Variants in ABCA1 observed in about 807,000 individuals in gnomAD.
ABCA1 encodes the protein phospholipid-transporting ATPase ABCA1.
ABCA1 carries 133 observed loss-of-function variants against 262.5 expected under a neutral mutation model. The ratio of observed to expected loss-of-function variants is 0.51; its 90% CI spans 0.44 to 0.59. The LOEUF (loss-of-function observed/expected upper bound fraction) is 0.59, where lower values mean the gene tolerates loss of function less well. ABCA1 is among the 20% of genes least tolerant of loss of function. The probability of loss-of-function intolerance (pLI) is 0.00; values close to 1 mark genes in which losing one functional copy is unlikely to be tolerated. For missense variants in ABCA1, 2,452 were observed against 2,777.5 expected (o/e 0.88, Z 2.63); for synonymous variants, 1,022 against 1,043.5 (o/e 0.98, Z 0.40).
chr9:104,918,515 T>C (rs542231244), intron 1 of ABCA1, among the ~76,000 whole-genome samples: 2 of 152,344 alleles, frequency 1.3e-5, no homozygotes, highest in Non-Finnish European at 2.9e-5. Context: ...CCTAGTACTT[T>C]CCACAGTACA....
chr9:104,901,763 T>C (rs970459617), intron 2 of ABCA1, among the ~76,000 whole-genome samples: 1 of 152,216 alleles, frequency 6.6e-6, no homozygotes, highest in African/African-American at 2.4e-5. Flanking sequence ...ATTTGAACCC[T>C]ACCTGTGCTC....
At chr9:104,831,580 G>A (rs372242467) in intron 13 of ABCA1, 42 bp downstream of exon 13, 1 of 1,544,334 alleles carries the variant, frequency 6.5e-7, no homozygotes, top group African/African-American at 1.4e-5. Context: ...AGGTGCTCTG[G>A]ACCTCCCCAA....
intron 5 of ABCA1, among the ~76,000 whole-genome samples, chr9:104,873,176 C>T (rs1278264149): frequency 6.6e-6 from 1 of 152,224 alleles, no homozygotes; most frequent in African/African-American, 2.4e-5. Context: ...TGCATACATA[C>T]AGAACGTGAA....
In ABCA1 at chr9:104,809,520, G is replaced by T; in HGVS notation, c.4220C>A (p.Ala1407Asp). Residue 1407 changes from alanine (A) to aspartate (D), a missense_variant, in exon 30 of 50, where the codon GCC becomes GAC. Ala to Asp is a moderately radical substitution (Grantham distance 126, BLOSUM62 -2). Transcript: ENST00000374736. Reference protein sequence around the residue: ...EDTGTLELLNALTKDPGFGTR... With the variant: ...EDTGTLELLNDLTKDPGFGTR... ...CCCGAAGCCAGGGTCTTTGGTGAGG[G>T]CGTTTAAGAGTTCCAGGGTTCCCGT... 6.2e-7 allele frequency: 1 copy of T among 1,614,202 alleles called. No homozygotes were observed. Among genetic ancestry groups the T allele is most frequent in the East Asian group, 2.2e-5 (1 of 44,880 alleles).
rs114427540 is a variant in ABCA1 at position 104,829,342 on chromosome 9, T to C, written c.1893-204A>G. ...AGAGAAAAACGAGGCTAACAAAGTG[T>C]TGCCAAACCAAATTTCTTTGGGGGC... On this transcript the variant is annotated intron_variant, in intron 14 of 49. Coordinates refer to ENST00000374736, the MANE Select transcript of ABCA1 (RefSeq NM_005502.4). Among the ~76,000 whole-genome samples, 1,875 of 152,322 alleles carry C rather than the reference T, an allele frequency of 0.012. 44 individuals are homozygous for C. Among genetic ancestry groups the C allele is most frequent in the African/African-American group, 0.043 (1,777 of 41,564 alleles).
chr9:104,828,819 C>A, intron 15 of ABCA1, 97 bp downstream of exon 15: 1 of 1,263,974 alleles, frequency 7.9e-7, no homozygotes, highest in Non-Finnish European at 1.1e-6. Context: ...CCCTTCTCTA[C>A]CAGAGGCTTG....
At chr9:104,839,344 T>C (rs12235875) in intron 9 of ABCA1, among the ~76,000 whole-genome samples, 10,150 of 152,292 alleles carry the variant, frequency 0.067, 512 homozygotes, top group East Asian at 0.28. Context: ...AGATTTGGGC[T>C]TGAATCCTGG....
intron 25 of ABCA1, 92 bp from the exon 26 acceptor site, chr9:104,814,567 T>G: frequency 7.9e-7 from 1 of 1,259,700 alleles, no homozygotes; most frequent in Non-Finnish European, 1.2e-6. Context: ...AGTGGCATGT[T>G]AGCCCCGTAA....
intron 5 of ABCA1, among the ~76,000 whole-genome samples, chr9:104,874,757 C>T (rs1169823461): frequency 2.1e-5 from 3 of 145,038 alleles, no homozygotes; most frequent in Middle Eastern, 3.4e-3. Context: ...GGCAGCCAGC[C>T]GCCCCGTCCG....
intron 1 of ABCA1, among the ~76,000 whole-genome samples, chr9:104,909,130 G>A (rs1357560937): frequency 2.0e-5 from 3 of 152,180 alleles, no homozygotes; most frequent in Non-Finnish European, 4.4e-5. Context: ...AAGAGGAATA[G>A]TAGATAAATA....
intron 15 of ABCA1, among the ~76,000 whole-genome samples, chr9:104,827,673 T>C (rs1312661076): frequency 1.3e-5 from 2 of 152,224 alleles, no homozygotes; most frequent in Non-Finnish European, 2.9e-5. Flanking sequence ...TGGGTACATG[T>C]CTGCAGGACC....
chr9:104,818,233 T>C (rs973927039), intron 23 of ABCA1, among the ~76,000 whole-genome samples: 1 of 152,226 alleles, frequency 6.6e-6, no homozygotes, highest in Admixed American at 6.5e-5. Context: ...ATCATTACTT[T>C]CTTTCATGCC....
chr9:104,913,369 C>T (rs1426895373), intron 1 of ABCA1, among the ~76,000 whole-genome samples: 2 of 152,138 alleles, frequency 1.3e-5, no homozygotes, highest in Non-Finnish European at 2.9e-5. Flanking sequence ...GGACTCTGAG[C>T]CCCTGTATCT....
At chr9:104,899,864 T>C (rs1407023808) in intron 2 of ABCA1, among the ~76,000 whole-genome samples, 1 of 152,180 alleles carries the variant, frequency 6.6e-6, no homozygotes, top group African/African-American at 2.4e-5. Flanking sequence ...CAGATGAGGA[T>C]CGTGAAAGCT....
intron 2 of ABCA1, among the ~76,000 whole-genome samples, chr9:104,893,551 A>C (rs1216956303): frequency 6.6e-6 from 1 of 152,038 alleles, no homozygotes; most frequent in Non-Finnish European, 1.5e-5. Flanking sequence ...TGAAACTACC[A>C]TTTGTACTTT....
intron 28 of ABCA1, among the ~76,000 whole-genome samples, chr9:104,812,263 A>G (rs1696661033): frequency 1.3e-5 from 2 of 152,214 alleles, no homozygotes; most frequent in Non-Finnish European, 2.9e-5. Flanking sequence ...AAAATAACAT[A>G]TACACACACA....
Position 104,821,467 on chromosome 9 carries a change from G to A in ABCA1, c.2868C>T (p.Thr956=), listed in dbSNP as rs35561837. 3,173 of 1,614,024 alleles carry A rather than the reference G, an allele frequency of 2.0e-3. 63 individuals carry two copies. In the African/African-American group the frequency reaches 0.036, roughly 18 times the overall value. The change falls in exon 20 of 50, where the codon ACC becomes ACT. Residue 956 remains threonine, a synonymous_variant. Transcript: ENST00000374736. ...GAATGTCTTTTCCCAGGATGTAGGC[G>A]GTGCCCGAGGTCGGGGGGAACAACC... ...LTGLFPPTSG[T]AYILGKDIRS...
chr9:104,802,223 T>TCA, intron 33 of ABCA1, 64 bp from the exon 34 acceptor site: 1 of 1,408,200 alleles, frequency 7.1e-7, no homozygotes, highest in East Asian at 2.3e-5. Flanking sequence ...AGCAGCAGAC[T>TCA]CAGTGCGAGT....
rs539811861 is a variant in ABCA1, at chr9:104,922,427, A to G, written c.-93+5508T>C. ...GAGATTGGTAAACTCACGGAAGCCA[A>G]ACTGTCTGGGATGCGACTTCAGCTC... is the stretch of plus-strand genomic sequence containing the variant. On this transcript the variant is annotated intron_variant, in intron 1 of 49. Transcript: ENST00000374736. Among the ~76,000 whole-genome samples the G allele has an allele frequency of 6.6e-5, 10 of 152,298 alleles. No individual in the cohort carries two copies. The South Asian group carries it at 2.1e-3, about 32-fold the overall frequency.
Sources: allele counts gnomAD v4.1 joint callset (sites outside exome capture counted in the v4.1 genomes callset), GRCh38; gene constraint gnomAD v4.1.1; transcripts MANE v1.5; gene names NCBI Gene and HGNC (gene_info 2026-07-23, HGNC 2026-07-21).